The following TENM2 variants were observed in gnomAD, a reference collection of about 807,000 sequenced individuals.
TENM2 encodes the protein teneurin transmembrane protein 2, also known as teneurin-2.
Under a neutral mutation model 245.2 loss-of-function variants are expected in TENM2, and 52 were observed. The observed-to-expected ratio is 0.21, with a 90% CI of 0.17 to 0.27. The LOEUF (loss-of-function observed/expected upper bound fraction) is 0.27. TENM2 is among the 10% of genes least tolerant of loss of function. The pLI, the probability that TENM2 is intolerant of heterozygous loss-of-function variation, is 1.00. For synonymous variants in TENM2, 1,363 were observed against 1,438.9 expected (o/e 0.95, Z 1.19); for missense variants, 3,046 against 3,666.8 (o/e 0.83, Z 4.37).
chr5:168,227,962 G>A, exon 25 of TENM2: 5 of 1,613,692 alleles, frequency 3.1e-6, no homozygotes, highest in Non-Finnish European at 4.2e-6. Context: ...CTAATGGGAT[G>A]GGTATCAGCT....
chr5:168,207,202 A>T (rs1762417802), intron 19 of TENM2, among the ~76,000 whole-genome samples: 1 of 152,190 alleles, frequency 6.6e-6, no homozygotes, highest in Non-Finnish European at 1.5e-5. Flanking sequence ...CCCCTTGGTC[A>T]TCTTTGTCCT....
intron 2 of TENM2, among the ~76,000 whole-genome samples, chr5:167,388,508 C>T (rs986353566): frequency 6.6e-6 from 1 of 151,424 alleles, no homozygotes; most frequent in African/African-American, 2.4e-5. Flanking sequence ...TCATTTAATT[C>T]TTCTGTGATC....
chr5:167,605,109 A>G (rs1369010111), intron 2 of TENM2, among the ~76,000 whole-genome samples: 1 of 152,162 alleles, frequency 6.6e-6, no homozygotes, highest in Non-Finnish European at 1.5e-5. Context: ...TCCAGGCCAC[A>G]TCACGCATAT....
chr5:167,459,867 G>A (rs141841019), intron 2 of TENM2, among the ~76,000 whole-genome samples: 3 of 151,290 alleles, frequency 2.0e-5, no homozygotes, highest in African/African-American at 7.3e-5. Context: ...TCATAAACTA[G>A]ATAGGTCCTC....
At chr5:167,145,638 T>A in the TENM2 span, among the ~76,000 whole-genome samples, 1 of 152,242 alleles carries the variant, frequency 6.6e-6, no homozygotes, top group African/African-American at 2.4e-5. Context: ...AATGTTATTA[T>A]GAACTGGGGC....
chr5:167,389,567 A>G (rs933787882), intron 2 of TENM2, among the ~76,000 whole-genome samples: 2 of 152,090 alleles, frequency 1.3e-5, no homozygotes, highest in African/African-American at 4.8e-5. Context: ...TTCATTGTAC[A>G]TTTAACTAAT....
chr5:168,230,379 T>C (rs1472032025), intron 25 of TENM2, among the ~76,000 whole-genome samples: 4 of 152,240 alleles, frequency 2.6e-5, no homozygotes, highest in Non-Finnish European at 4.4e-5. Context: ...ATCTCATTTA[T>C]TTTAATTCAG....
At chr5:167,337,337 G>T (rs1757840742) in intron 1 of TENM2, among the ~76,000 whole-genome samples, 1 of 151,974 alleles carries the variant, frequency 6.6e-6, no homozygotes, top group African/African-American at 2.4e-5. Context: ...TTATTAAGCA[G>T]TCAACATTTT....
At chr5:167,000,879 T>C in the TENM2 span, among the ~76,000 whole-genome samples, 3 of 152,198 alleles carry the variant, frequency 2.0e-5, no homozygotes, top group African/African-American at 7.2e-5. Context: ...AAAAACCTTC[T>C]GGCCAGTGGA....
intron 2 of TENM2, among the ~76,000 whole-genome samples, chr5:167,736,296 C>T (rs1396856254): frequency 2.0e-5 from 3 of 152,108 alleles, no homozygotes; most frequent in Non-Finnish European, 4.4e-5. Context: ...CCTGGTCCCT[C>T]CCATGACACG....
chr5:167,560,156 C>G (rs1773495219), intron 2 of TENM2, among the ~76,000 whole-genome samples: 1 of 152,208 alleles, frequency 6.6e-6, no homozygotes, highest in Non-Finnish European at 1.5e-5. Context: ...GTTAGCAATA[C>G]AGAATCCCAG....
At chr5:168,034,095 A>ATATATATATATGTGTG (rs1562077236) in intron 5 of TENM2, among the ~76,000 whole-genome samples, 21 of 95,344 alleles carry the variant, frequency 2.2e-4, no homozygotes, top group African/African-American at 8.4e-4. Context: ...ATATATGTGT[A>ATATATATATATGTGTG]TATATATATG....
chr5:167,565,307 A>G (rs73801284), intron 2 of TENM2, among the ~76,000 whole-genome samples: 3,055 of 152,292 alleles, frequency 0.02, 131 homozygotes, highest in East Asian at 0.17. Context: ...TTTCTGTACA[A>G]TTGTAAACTT....
At chr5:168,123,859 G>A (rs942536651) in intron 10 of TENM2, among the ~76,000 whole-genome samples, 1 of 152,124 alleles carries the variant, frequency 6.6e-6, no homozygotes, top group African/African-American at 2.4e-5. Flanking sequence ...AGAATACATA[G>A]GAATACATAA....
intron 2 of TENM2, among the ~76,000 whole-genome samples, chr5:167,429,032 C>T (rs959148579): frequency 1.3e-5 from 2 of 152,090 alleles, no homozygotes; most frequent in African/African-American, 4.8e-5. Context: ...TTTTTATACA[C>T]GTGTGTTTTT....
chr5:167,491,171 G>A (rs1353161229), intron 2 of TENM2, among the ~76,000 whole-genome samples: 1 of 152,092 alleles, frequency 6.6e-6, no homozygotes, highest in African/African-American at 2.4e-5. Context: ...ACTGGAGTAA[G>A]TTAGGCACAC....
chr5:168,031,283 G>C (rs1390151386), intron 5 of TENM2, among the ~76,000 whole-genome samples: 2 of 152,214 alleles, frequency 1.3e-5, no homozygotes, highest in African/African-American at 4.8e-5. Flanking sequence ...TGAGTCTGGA[G>C]AAGGTGACCA....
intron 2 of TENM2, among the ~76,000 whole-genome samples, chr5:167,420,480 A>G (rs534157343): frequency 2.0e-5 from 3 of 152,006 alleles, no homozygotes; most frequent in South Asian, 2.1e-4. Context: ...ACCTCCTACC[A>G]GTATTCTTCT....
intron 12 of TENM2, among the ~76,000 whole-genome samples, chr5:168,151,238 T>A (rs145568981): frequency 3.3e-5 from 5 of 152,338 alleles, no homozygotes; most frequent in African/African-American, 9.6e-5. Flanking sequence ...GTGCAGATCT[T>A]ACTCACGTAA....
Sources: allele counts gnomAD v4.1 joint callset (sites outside exome capture counted in the v4.1 genomes callset), GRCh38; gene constraint gnomAD v4.1.1; transcripts MANE v1.5; gene names NCBI Gene and HGNC (gene_info 2026-07-23, HGNC 2026-07-21).